Variants in CDC45 observed in about 807,000 individuals in gnomAD.
CDC45 encodes the protein cell division control protein 45 homolog.
A neutral mutation model predicts 77.8 loss-of-function variants in CDC45; 54 were observed. The ratio of observed to expected loss-of-function variants is 0.69; its 90% CI spans 0.56 to 0.87. The LOEUF is 0.87. CDC45 is among the 40% of genes least tolerant of loss of function. CDC45 has a pLI of 0.00. For synonymous variants in CDC45, 260 were observed against 272.1 expected (o/e 0.96, Z 0.44); for missense variants, 649 against 721.6 (o/e 0.90, Z 1.15).
intron 10 of CDC45, among the ~76,000 whole-genome samples, chr22:19,505,816 G>A (rs1933139734): frequency 6.6e-6 from 1 of 152,198 alleles, no homozygotes; most frequent in African/African-American, 2.4e-5. Context: ...ACAGCGTGAC[G>A]TGTCTTTTGA....
chr22:19,495,188 T>C lies in CDC45; in HGVS notation c.543-793T>C, dbSNP rs140347780. Among the ~76,000 whole-genome samples, 452 of 152,348 alleles carry C rather than the reference T, an allele frequency of 3.0e-3. 2 individuals are homozygous for C. Among genetic ancestry groups the C allele is most frequent in the African/African-American group, 0.01 (427 of 41,582 alleles). ...TTTCTATTCCTGGGTTATACATACT[T>C]GTGCATATTTTACATGATACATCTG... On this transcript the variant is annotated intron_variant, in intron 6 of 18. Coordinates refer to ENST00000263201, the MANE Select transcript of CDC45 (RefSeq NM_003504.5).
intron 10 of CDC45, among the ~76,000 whole-genome samples, chr22:19,506,370 T>C (rs796694587): frequency 4.6e-5 from 7 of 151,974 alleles, no homozygotes; most frequent in African/African-American, 1.7e-4. Flanking sequence ...CCAGGGACCA[T>C]GGGAGTGTGT....
upstream of CDC45, chr22:19,479,698 G>A (rs560877739): frequency 1.4e-3 from 960 of 694,868 alleles, 2 homozygotes; most frequent in Non-Finnish European, 1.7e-3. Flanking sequence ...GTAAAAGCGA[G>A]TCAGAGTTGA....
chr22:19,494,747 A>C (rs1190282941), intron 6 of CDC45: 1 of 711,982 alleles, frequency 1.4e-6, no homozygotes, highest in African/African-American at 1.8e-5. Flanking sequence ...TGAAGTGAGC[A>C]TGCAGCAGCG....
intron 10 of CDC45, among the ~76,000 whole-genome samples, chr22:19,507,146 G>A (rs1933234962): frequency 6.6e-6 from 1 of 152,182 alleles, no homozygotes; most frequent in South Asian, 2.1e-4. Context: ...AGACCCCTGT[G>A]CTCCAGATTC....
chr22:19,505,665 A>G (rs1045709682), intron 10 of CDC45, among the ~76,000 whole-genome samples, 184 bp downstream of exon 10: 13 of 152,178 alleles, frequency 8.5e-5, no homozygotes, highest in Non-Finnish European at 1.8e-4. Context: ...TGGCTTCTAA[A>G]TGCCAGAGCT....
intron 2 of CDC45, 116 bp downstream of exon 2, chr22:19,480,333 G>C (rs938499265): frequency 1.0e-5 from 10 of 964,046 alleles, no homozygotes; most frequent in Non-Finnish European, 1.7e-5. Flanking sequence ...GTGGGAGAGG[G>C]AGCAGGGCAG....
chr22:19,515,004 C>T lies in CDC45; in HGVS notation c.1396C>T (p.Leu466=). Residue 466 remains leucine (L), a synonymous_variant, in exon 15 of 19, where the codon CTA becomes TTA. Coordinates refer to ENST00000263201, the MANE Select transcript of CDC45 (RefSeq NM_003504.5). ...CATGCTGTTCTCTAGGCCGGCATCC[C>T]TAAGCCTGCTCAGCAAACACCTGCT... ...DVMLFSRPAS[L]SLLSKHLLKS... 1 of 1,613,878 alleles carries T rather than the reference C, an allele frequency of 6.2e-7. No homozygotes were observed. The highest frequency in any genetic ancestry group is 8.5e-7 in the Non-Finnish European group (1 of 1,179,846).
intron 7 of CDC45, 45 bp downstream of exon 7, chr22:19,496,074 G>A (rs1192282714): frequency 2.3e-6 from 3 of 1,297,238 alleles, no homozygotes; most frequent in Non-Finnish European, 3.3e-6. Flanking sequence ...CTGACTCCAG[G>A]GGTCAGTGTC....
At chr22:19,516,474 T>G (rs1239977953) in intron 15 of CDC45, 53 bp from the exon 16 acceptor site, 7 of 1,419,718 alleles carry the variant, frequency 4.9e-6, no homozygotes, top group African/African-American at 1.4e-5. Context: ...GGGCTCTGAG[T>G]GTTGAGCTGG....
At chr22:19,481,087 AT>A in intron 3 of CDC45, 42 bp downstream of exon 3, 1 of 1,277,032 alleles carries the variant, frequency 7.8e-7, no homozygotes, top group African/African-American at 1.5e-5. Flanking sequence ...TTTTTACTCA[AT>A]TGTAATTTCT....
intron 13 of CDC45, among the ~76,000 whole-genome samples, chr22:19,509,327 C>T (rs1933389221): frequency 1.3e-5 from 2 of 152,206 alleles, no homozygotes; most frequent in South Asian, 4.1e-4. Flanking sequence ...CGAAAGCTAG[C>T]TTGGAAACAA....
At chr22:19,482,158 T>C (rs1437609813) in intron 3 of CDC45, among the ~76,000 whole-genome samples, 3 of 152,126 alleles carry the variant, frequency 2.0e-5, no homozygotes, top group African/African-American at 7.2e-5. Flanking sequence ...CCTAGCCATA[T>C]CTAGGATTGT....
intron 10 of CDC45, among the ~76,000 whole-genome samples, chr22:19,506,278 A>T (rs1391530859): frequency 6.6e-6 from 1 of 152,042 alleles, no homozygotes; most frequent in Non-Finnish European, 1.5e-5. Flanking sequence ...AGCGGGGTGG[A>T]GCTGGCTGAA....
At chr22:19,488,784 G>C (rs1399467454) in intron 5 of CDC45, among the ~76,000 whole-genome samples, 2 of 152,088 alleles carry the variant, frequency 1.3e-5, no homozygotes, top group Admixed American at 6.5e-5. Flanking sequence ...TCCTCACCAG[G>C]ACCATGGCTT....
intron 7 of CDC45, 58 bp from the exon 8 acceptor site, chr22:19,497,328 G>A: frequency 6.5e-7 from 1 of 1,528,478 alleles, no homozygotes; most frequent in Non-Finnish European, 9.1e-7. Flanking sequence ...CTGGCTGCAT[G>A]GCCCAGCCCC....
Position 19,514,888 on chromosome 22 carries a change from G to A in CDC45, c.1356+1G>A, listed in dbSNP as rs1933695567. The A allele has an allele frequency of 6.2e-7, 1 of 1,614,100 alleles. No individual in the cohort carries two copies. Among genetic ancestry groups the A allele is most frequent in the Admixed American group, 1.7e-5 (1 of 60,008 alleles). ...TTTCCTGTACTGCTCTCTCATGGAG[G>A]TCAGGCTTCCCACAGAGCACAGGCG... is the stretch of plus-strand genomic sequence containing the variant. On this transcript the variant is annotated splice_donor_variant, in intron 14 of 18. Coordinates refer to ENST00000263201, the MANE Select transcript of CDC45 (RefSeq NM_003504.5). LOFTEE classifies it high-confidence loss of function.
In CDC45 at chr22:19,480,274, TG is replaced by T. The variant is rs1046942470; in HGVS notation, c.111+62del. Reference sequence around the variant, plus strand: ...CGGCGCGCGAGGTGAGGGTGCTGCGTGGGGGCGCAGGGCGGGCAGAGTGTCA... The same window carrying T: ...CGGCGCGCGAGGTGAGGGTGCTGCGTGGGGCGCAGGGCGGGCAGAGTGTCA... On this transcript the variant is annotated intron_variant, in intron 2 of 18. Transcript: ENST00000263201. 27 of 1,517,100 alleles carry T rather than the reference TG, an allele frequency of 1.8e-5. No homozygotes were observed. The African/African-American group carries it at 3.6e-4, about 20-fold the overall frequency. 94.0% of individuals were successfully genotyped at this position (1,517,100 alleles called of 1,614,324 possible).
intron 5 of CDC45, among the ~76,000 whole-genome samples, chr22:19,491,899 TG>T (rs749550416): frequency 6.6e-6 from 1 of 151,886 alleles, no homozygotes; most frequent in Non-Finnish European, 1.5e-5. Context: ...CTCTGCCTCC[TG>T]GGTTCAAGCA....
Sources: gnomAD v4.1 joint callset for allele counts (sites outside exome capture counted in the v4.1 genomes callset) on GRCh38, gnomAD v4.1.1 for gene constraint, MANE v1.5 for transcripts, NCBI Gene and HGNC (gene_info 2026-07-23, HGNC 2026-07-21) for gene names.